Variants in EXOC3 observed in about 807,000 individuals in gnomAD.
The protein encoded by EXOC3 is exocyst complex component 3.
EXOC3 carries 21 observed loss-of-function variants against 73.7 expected under a neutral mutation model. The ratio of observed to expected loss-of-function variants is 0.29; its 90% CI spans 0.20 to 0.41. EXOC3 has a LOEUF of 0.41. Among genes scored for constraint, EXOC3 ranks in the 10% least tolerant of loss-of-function variants. The pLI is 1.00. For missense variants in EXOC3, 842 were observed against 985.1 expected (o/e 0.85, Z 1.95); for synonymous variants, 410 against 389.1 (o/e 1.05, Z -0.63).
At chr5:447,814 T>C in intron 3 of EXOC3, 62 bp downstream of exon 3, 1 of 1,209,780 alleles carries the variant, frequency 8.3e-7, no homozygotes, top group East Asian at 2.6e-5. Flanking sequence ...ACTCACTGAG[T>C]GCTCTGTGTG....
At chr5:459,292 G>T in intron 6 of EXOC3, 67 bp from the exon 7 acceptor site, 1 of 716,338 alleles carries the variant, frequency 1.4e-6, no homozygotes, top group Admixed American at 3.4e-5. Flanking sequence ...TCATATAACA[G>T]CAAACCTGCA....
chr5:466,325 A>G (rs930029934), intron 12 of EXOC3: 37 of 251,728 alleles, frequency 1.5e-4, no homozygotes, highest in African/African-American at 7.1e-4. Flanking sequence ...TGCTGGCTCC[A>G]GGCCCCAGGC....
chr5:465,703 G>A lies in EXOC3; in HGVS notation c.1939-15G>A. 1 of 1,613,656 alleles carries A rather than the reference G, an allele frequency of 6.2e-7. No individual in the cohort carries two copies. The highest frequency in any genetic ancestry group is 8.5e-7 in the Non-Finnish European group (1 of 1,179,836). On this transcript the variant is annotated splice_polypyrimidine_tract_variant and intron_variant, in intron 11 of 12. Transcript: ENST00000512944. ...ACAGCCGAGGGCGGCTCCTCACATT[G>A]CTGCTGCCTTCCAGGGTTTCGGGGA...
chr5:458,427 G>A (rs868822360), intron 6 of EXOC3, among the ~76,000 whole-genome samples: 4 of 152,130 alleles, frequency 2.6e-5, no homozygotes, highest in South Asian at 2.1e-4. Flanking sequence ...TTTTTGAGAC[G>A]GAGTCTCACT....
In EXOC3 at chr5:465,252, C is replaced by G. The variant is rs767348798; in HGVS notation, c.1918C>G (p.Leu640Val). The G allele has an allele frequency of 1.3e-6, 2 of 1,588,722 alleles. No individual in the cohort carries two copies. The highest frequency in any genetic ancestry group is 8.6e-7 in the Non-Finnish European group (1 of 1,168,160). Reference protein sequence around the residue: ...MVREAEQLRFLFRKLASGFGE... With the variant: ...MVREAEQLRFVFRKLASGFGE... ...TAGGGAGGCAGAGCAGCTGCGCTTC[C>G]TGTTCCGGAAGCTGGCGTCCGTGAG... Residue 640 changes from leucine (L) to valine (V), a missense_variant, in exon 11 of 13, where the codon CTG becomes GTG. Transcript: ENST00000512944.
At chr5:460,255 C>T (rs115552658) in intron 7 of EXOC3, among the ~76,000 whole-genome samples, 138 of 152,290 alleles carry the variant, frequency 9.1e-4, no homozygotes, top group African/African-American at 3.1e-3. Context: ...TCTGGTAAGC[C>T]GAATAGCCCC....
At chr5:457,453 G>A (rs1737856390) in intron 5 of EXOC3, 1 of 237,498 alleles carries the variant, frequency 4.2e-6, no homozygotes, top group African/African-American at 2.3e-5. Context: ...CGTCCACCTA[G>A]CAAGGCAGCA....
rs1738171013 is a variant in EXOC3, at chr5:466,957, C to T, written c.*59C>T. The stretch of plus-strand genomic sequence containing the variant: ...GCCTCGGTCCCTGCCTTTAGAAACG[C>T]GGGACAGCTGATTGCTCTCCTTGGC... On this transcript the variant is annotated 3_prime_UTR_variant, in exon 13 of 13. Transcript: ENST00000512944. The T allele has an allele frequency of 5.4e-6, 8 of 1,481,970 alleles. No homozygotes were observed. Among genetic ancestry groups the T allele is most frequent in the African/African-American group, 2.8e-5 (2 of 71,552 alleles). 91.8% of individuals were successfully genotyped at this position (1,481,970 alleles called of 1,614,324 possible). A position where few individuals can be genotyped will look rare whatever the true frequency, so the allele number is the denominator to read the frequency against.
At chr5:449,923 C>T (rs554679205) in intron 3 of EXOC3, among the ~76,000 whole-genome samples, 2 of 152,300 alleles carry the variant, frequency 1.3e-5, no homozygotes, top group Admixed American at 6.5e-5. Context: ...GATTCGTCTG[C>T]ATTTTCATTC....
chr5:448,101 A>G (rs1737558498), intron 3 of EXOC3, among the ~76,000 whole-genome samples: 1 of 152,224 alleles, frequency 6.6e-6, no homozygotes, highest in Non-Finnish European at 1.5e-5. Flanking sequence ...CCCATGCTTA[A>G]AAGGAGCTGC....
intron 6 of EXOC3, 54 bp from the exon 7 acceptor site, chr5:459,305 C>T: frequency 1.1e-6 from 1 of 945,154 alleles, no homozygotes; most frequent in South Asian, 1.6e-5. Flanking sequence ...AACCTGCACT[C>T]TTAGTATACT....
chr5:447,651 A>G lies in EXOC3; in HGVS notation c.263A>G (p.Gln88Arg). 1.3e-6 allele frequency: 2 copies of G among 1,587,868 alleles called. No homozygotes were observed. Among genetic ancestry groups the G allele is most frequent in the Non-Finnish European group, 1.7e-6 (2 of 1,167,052 alleles). Residue 88 changes from glutamine (Q) to arginine (R), a missense_variant, in exon 3 of 13, where the codon CAG becomes CGG. By Grantham distance (43) the Gln-to-Arg change is conservative. Transcript: ENST00000512944. ...GCAGACGTCAGCAAGGACTGGAGGC[A>G]GAGCATCAACACCATTGAGAGCCTC... ...SLADVSKDWR[Q>R]SINTIESLKD...
chr5:454,785 TAAGTA>T (rs1248159143), intron 4 of EXOC3, among the ~76,000 whole-genome samples: 1 of 151,996 alleles, frequency 6.6e-6, no homozygotes, highest in African/African-American at 2.4e-5. Flanking sequence ...AAAATAATAT[TAAGTA>T]ATGTATTGGA....
rs180921423 is a variant in EXOC3, at chr5:447,622, G to T, written c.234G>T (p.Ser78=). ...ATGACGTCAAAGACATCCAGCAGTC[G>T]CTGGCAGACGTCAGCAAGGACTGGA... ...ALNDVKDIQQ[S]LADVSKDWRQ... The change falls in exon 3 of 13, where the codon TCG becomes TCT. Residue 78 remains serine (S), a synonymous_variant. Transcript: ENST00000512944. The T allele has an allele frequency of 1.1e-4, 170 of 1,584,360 alleles. No homozygotes were observed. In the African/African-American group the frequency reaches 2.0e-3, roughly 19 times the overall value.
chr5:443,809 C>T (rs951461678), intron 1 of EXOC3, among the ~76,000 whole-genome samples: 1 of 145,250 alleles, frequency 6.9e-6, no homozygotes, highest in Non-Finnish European at 1.5e-5. Flanking sequence ...TGACGGTGTC[C>T]CCCCCCAGGC....
At chr5:444,363 T>G (rs1560933638) in intron 1 of EXOC3, among the ~76,000 whole-genome samples, 1 of 152,246 alleles carries the variant, frequency 6.6e-6, no homozygotes, top group Non-Finnish European at 1.5e-5. Flanking sequence ...AGGCGAGCCC[T>G]GCTTCACAGC....
At chr5:458,097 GAC>G (rs1737875745) in intron 6 of EXOC3, 72 bp downstream of exon 6, 1 of 1,489,970 alleles carries the variant, frequency 6.7e-7, no homozygotes, top group Non-Finnish European at 9.1e-7. Context: ...TTTACAAAGT[GAC>G]ACAGATACCT....
intron 3 of EXOC3, among the ~76,000 whole-genome samples, chr5:451,579 G>A (rs551740654): frequency 6.6e-6 from 1 of 152,268 alleles, no homozygotes; most frequent in Middle Eastern, 3.4e-3. Flanking sequence ...GAAACAGAGT[G>A]ATGAGTTAAA....
intron 5 of EXOC3, 138 bp from the exon 6 acceptor site, chr5:457,762 C>A: frequency 1.1e-6 from 1 of 932,396 alleles, no homozygotes; most frequent in Non-Finnish European, 1.6e-6. Context: ...GCTCTGGAGT[C>A]CTCATTTGAG....
Sources: allele counts gnomAD v4.1 joint callset (sites outside exome capture counted in the v4.1 genomes callset), GRCh38; gene constraint gnomAD v4.1.1; transcripts MANE v1.5; gene names NCBI Gene and HGNC (gene_info 2026-07-23, HGNC 2026-07-21).